Variants in GFM2 observed in about 807,000 individuals in gnomAD.
The protein encoded by GFM2 is ribosome-releasing factor 2, mitochondrial.
In GFM2, 72 loss-of-function variants were observed where a neutral mutation model predicts 95.4. The ratio of observed to expected loss-of-function variants is 0.76; its 90% CI spans 0.62 to 0.92. The LOEUF (loss-of-function observed/expected upper bound fraction) is 0.92. GFM2 is among the 40% of genes least tolerant of loss of function. GFM2 has a pLI of 0.00. For missense variants in GFM2, 825 were observed against 924.1 expected (o/e 0.89, Z 1.39); for synonymous variants, 276 against 317.5 (o/e 0.87, Z 1.39).
intron 4 of GFM2, 77 bp from the exon 5 acceptor site, chr5:74,759,023 G>A (rs950467479): frequency 2.4e-6 from 2 of 835,128 alleles, no homozygotes; most frequent in Non-Finnish European, 4.0e-6. Context: ...AAATTTCAAA[G>A]CTGGTATTTC....
chr5:74,749,097 C>A (rs781060331), intron 7 of GFM2, among the ~76,000 whole-genome samples: 6 of 151,802 alleles, frequency 4.0e-5, no homozygotes, highest in African/African-American at 7.3e-5. Context: ...GCAGCCCCAA[C>A]CTCCCTGCTG....
chr5:74,735,964 G>T (rs895311076), intron 15 of GFM2, among the ~76,000 whole-genome samples: 1 of 152,140 alleles, frequency 6.6e-6, no homozygotes, highest in Non-Finnish European at 1.5e-5. Flanking sequence ...TGACATAGAA[G>T]AAATCTTAAG....
Position 74,721,798 on chromosome 5 carries a change from T to C in GFM2, c.2212-15A>G, listed in dbSNP as rs1016294340. Reference sequence around the variant, plus strand: ...GTTGAATAACCCTAATCAAAATAATTTAAGTCATTTATATTATCAAATTTA... The same window carrying C: ...GTTGAATAACCCTAATCAAAATAATCTAAGTCATTTATATTATCAAATTTA... On this transcript the variant is annotated splice_polypyrimidine_tract_variant and intron_variant, in intron 20 of 20. Coordinates refer to ENST00000296805, the MANE Select transcript of GFM2 (RefSeq NM_032380.5). The C allele has an allele frequency of 1.2e-5, 19 of 1,593,748 alleles. No homozygotes were observed. Among genetic ancestry groups the C allele is most frequent in the Non-Finnish European group, 1.5e-5 (18 of 1,172,936 alleles).
At chr5:74,746,579 A>T (rs1210760202) in intron 8 of GFM2, among the ~76,000 whole-genome samples, 2 of 152,194 alleles carry the variant, frequency 1.3e-5, no homozygotes, top group African/African-American at 4.8e-5. Flanking sequence ...GCTTTCTTCC[A>T]AGAGCCTGCC....
intron 5 of GFM2, among the ~76,000 whole-genome samples, chr5:74,752,377 C>A (rs1316302785): frequency 1.3e-5 from 2 of 152,026 alleles, no homozygotes; most frequent in African/African-American, 2.4e-5. Flanking sequence ...TAGCTAGTTG[C>A]CCCATATATG....
At chr5:74,754,206 A>C (rs193007628) in intron 5 of GFM2, among the ~76,000 whole-genome samples, 1 of 152,126 alleles carries the variant, frequency 6.6e-6, no homozygotes, top group South Asian at 2.1e-4. Flanking sequence ...AAGAACTACT[A>C]AAAGCAGCTC....
Position 74,721,398 on chromosome 5 carries a change from C to CTTATAGTAATAACT in GFM2, c.*243_*256dup. The CTTATAGTAATAACT allele has an allele frequency of 2.8e-6, 2 of 718,448 alleles. No individual in the cohort carries two copies. The allele number at this position is 718,448 out of a possible 1,614,324, so 44.5% of individuals were successfully genotyped here. A position where few individuals can be genotyped will look rare whatever the true frequency, so the allele number is the denominator to read the frequency against. On this transcript the variant is annotated 3_prime_UTR_variant, in exon 21 of 21. Coordinates refer to ENST00000296805, the MANE Select transcript of GFM2 (RefSeq NM_032380.5). The stretch of plus-strand genomic sequence containing the variant: ...TGTGATACCACTCTTCTGAAGGCTA[C>CTTATAGTAATAACT]TTATAGTAATAACTTCATAGATGAA...
chr5:74,722,314 T>A (rs963430692), intron 20 of GFM2, 65 bp downstream of exon 20: 1 of 1,251,144 alleles, frequency 8.0e-7, no homozygotes, highest in Non-Finnish European at 1.1e-6. Context: ...TGATTGTCTA[T>A]TCATTGGCAT....
Position 74,721,395 on chromosome 5 carries a change from C to CTACT in GFM2, c.*256_*259dup. ...CTTTGTGATACCACTCTTCTGAAGG[C>CTACT]TACTTATAGTAATAACTTCATAGAT... On this transcript the variant is annotated 3_prime_UTR_variant, in exon 21 of 21. Coordinates refer to ENST00000296805, the MANE Select transcript of GFM2 (RefSeq NM_032380.5). The CTACT allele has an allele frequency of 4.2e-6, 3 of 718,876 alleles. No individual in the cohort carries two copies. In the South Asian group the frequency reaches 4.5e-5, roughly 11 times the overall value. The allele number at this position is 718,876 out of a possible 1,614,324, so 44.5% of individuals were successfully genotyped here. A position where few individuals can be genotyped will look rare whatever the true frequency, so the allele number is the denominator to read the frequency against.
chr5:74,755,407 T>A (rs59110717), intron 5 of GFM2, among the ~76,000 whole-genome samples: 54,416 of 152,018 alleles, frequency 0.36, 12,963 homozygotes, highest in African/African-American at 0.68. Flanking sequence ...TCAACAATGA[T>A]ATCAAGATGG....
intron 7 of GFM2, among the ~76,000 whole-genome samples, chr5:74,748,683 G>T (rs1313617602): frequency 6.6e-6 from 1 of 151,760 alleles, no homozygotes; most frequent in Non-Finnish European, 1.5e-5. Flanking sequence ...TGGCCAACAT[G>T]GTGAAACTCT....
chr5:74,730,615 CCTT>C (rs1266293497), intron 16 of GFM2: 6 of 353,100 alleles, frequency 1.7e-5, no homozygotes, highest in South Asian at 1.7e-4. Context: ...GCCATTCTCT[CCTT>C]CTTCTTTGAT....
rs764863051 is a variant in GFM2, at chr5:74,721,706, C to T, written c.2289G>A (p.Met763Ile). The T allele has an allele frequency of 6.2e-7, 1 of 1,613,808 alleles. No individual in the cohort carries two copies. Among genetic ancestry groups the T allele is most frequent in the Non-Finnish European group, 8.5e-7 (1 of 1,179,876 alleles). Residue 763 changes from methionine (M) to isoleucine (I), a missense_variant, in exon 21 of 21, where the codon ATG becomes ATA. By Grantham distance (10) the Met-to-Ile change is conservative. Transcript: ENST00000296805. ...GCAGTGTATTTTGATCTTGAGGATT[C>T]ATGGCTTGATAAGTAGATAGTTCTA... ...FALELSTYQA[M>I]NPQDQNTLLN...
At position 74,740,125 on chromosome 5, in the gene GFM2, T is replaced by G. The variant is rs1353303004; in HGVS notation, c.943A>C (p.Ile315Leu). The change falls in exon 12 of 21, where the codon ATA (isoleucine) becomes CTA (leucine). Residue 315 changes from isoleucine to leucine, a missense_variant. Physicochemically the swap from Ile to Leu is conservative, Grantham distance 5. Transcript: ENST00000296805. The part of the protein sequence containing the change: ...LLPAEKLQTA[I>L]HRVTLAQTAV... ...GTCTGAGCTAGTGTCACTCTATGTA[T>G]TGCAGTCTGTAGCTACAGAGCAGAG... 4 of 1,599,252 alleles carry G rather than the reference T, an allele frequency of 2.5e-6. No individual in the cohort carries two copies. The highest frequency in any genetic ancestry group is 3.4e-6 in the Non-Finnish European group (4 of 1,175,044).
intron 17 of GFM2, among the ~76,000 whole-genome samples, chr5:74,729,248 A>G (rs1750302670): frequency 6.6e-6 from 1 of 152,204 alleles, no homozygotes; most frequent in African/African-American, 2.4e-5. Flanking sequence ...ACAAATTCTC[A>G]GAAATCTTGT....
chr5:74,754,234 C>G (rs1007220904), intron 5 of GFM2, among the ~76,000 whole-genome samples: 2 of 151,724 alleles, frequency 1.3e-5, no homozygotes, highest in East Asian at 3.9e-4. Context: ...TGAAACAAAT[C>G]CTCAAAATAC....
At chr5:74,762,131 G>A (rs1427700598) in intron 2 of GFM2, among the ~76,000 whole-genome samples, 1 of 152,134 alleles carries the variant, frequency 6.6e-6, no homozygotes, top group African/African-American at 2.4e-5. Flanking sequence ...ATGCTGCTCA[G>A]GTGATTTTTA....
chr5:74,722,160 G>A (rs935697562), intron 20 of GFM2: 1 of 541,920 alleles, frequency 1.8e-6, no homozygotes, highest in Non-Finnish European at 3.2e-6. Flanking sequence ...ACCACATTTT[G>A]GGACTGTAAA....
rs544511227 is a variant in GFM2, at chr5:74,736,297, G to A, written c.1510+499C>T. 4.0e-4 allele frequency: 330 copies of A among 822,562 alleles called. 1 individual carries two copies. The highest frequency in any genetic ancestry group is 4.7e-4 in the Non-Finnish European group (319 of 681,748). The allele number at this position is 822,562 out of a possible 1,614,324, so 51.0% of individuals were successfully genotyped here. ...CACTAAAGAGTTTGGGTGTGTGCTA[G>A]AAGTAATGAGAAGCCACTGAAAAAA... On this transcript the variant is annotated intron_variant, in intron 15 of 20. Transcript: ENST00000296805.
Sources: allele counts gnomAD v4.1 joint callset (sites outside exome capture counted in the v4.1 genomes callset), GRCh38; gene constraint gnomAD v4.1.1; transcripts MANE v1.5; gene names NCBI Gene and HGNC (gene_info 2026-07-23, HGNC 2026-07-21).